The following ATP6V1C2 variants were observed in gnomAD, a reference collection of about 807,000 sequenced individuals.
The protein encoded by ATP6V1C2 is V-type proton ATPase subunit C 2.
Under a neutral mutation model 56.8 loss-of-function variants are expected in ATP6V1C2, and 45 were observed. The observed-to-expected ratio is 0.79, with a 90% CI of 0.62 to 1.02. The LOEUF (loss-of-function observed/expected upper bound fraction) is 1.02. Among genes scored for constraint, ATP6V1C2 ranks in the 50% least tolerant of loss-of-function variants. The pLI, the probability that ATP6V1C2 is intolerant of heterozygous loss-of-function variation, is 0.00. For synonymous variants in ATP6V1C2, 220 were observed against 201.3 expected (o/e 1.09, Z -0.79); for missense variants, 463 against 519.7 (o/e 0.89, Z 1.06).
chr2:10,733,477 A>G (rs1004874688), intron 3 of ATP6V1C2, among the ~76,000 whole-genome samples: 1 of 152,148 alleles, frequency 6.6e-6, no homozygotes, highest in African/African-American at 2.4e-5. Flanking sequence ...TTATTTACTT[A>G]GGGCACTAGA....
intron 4 of ATP6V1C2, among the ~76,000 whole-genome samples, chr2:10,756,171 A>G (rs1663542547): frequency 6.6e-6 from 1 of 152,172 alleles, no homozygotes; most frequent in Non-Finnish European, 1.5e-5. Context: ...AGCCCAGCCA[A>G]CATGGTGAAA....
rs1288167677 is a variant in ATP6V1C2 at position 10,784,751 on chromosome 2, T to C, written c.*1488T>C. ...TGGCTGTCAAGAGTATCAAATGCCA[T>C]GCAGCACTTAAACTTGTGATAAGGA... On this transcript the variant is annotated 3_prime_UTR_variant, in exon 14 of 14. Transcript: ENST00000272238. 7.0e-6 allele frequency: 4 copies of C among 572,058 alleles called. No individual in the cohort carries two copies. The highest frequency in any genetic ancestry group is 1.2e-5 in the Non-Finnish European group (4 of 323,286). The allele number at this position is 572,058 out of a possible 1,614,324, so 35.4% of individuals were successfully genotyped here.
At chr2:10,766,902 G>A (rs1300144657) in intron 5 of ATP6V1C2, among the ~76,000 whole-genome samples, 1 of 152,144 alleles carries the variant, frequency 6.6e-6, no homozygotes, top group African/African-American at 2.4e-5. Flanking sequence ...GTATAGTGCA[G>A]AATAGTATAG....
At chr2:10,769,787 GTGGGGT>G (rs1664468919) in intron 6 of ATP6V1C2, among the ~76,000 whole-genome samples, 1 of 152,174 alleles carries the variant, frequency 6.6e-6, no homozygotes, top group African/African-American at 2.4e-5. Flanking sequence ...ACAGGGTGGG[GTGGGGT>G]TGGCATGGAG....
intron 5 of ATP6V1C2, among the ~76,000 whole-genome samples, chr2:10,766,920 G>A (rs1664259179): frequency 6.6e-6 from 1 of 152,102 alleles, no homozygotes; most frequent in African/African-American, 2.4e-5. Context: ...TAGTTGTATA[G>A]TGAGCTGTGG....
In ATP6V1C2 at chr2:10,780,980, G is replaced by C. The variant is rs1665312764; in HGVS notation, c.1062-1263G>C. Among the ~76,000 whole-genome samples the C allele has an allele frequency of 6.6e-6, 1 of 152,248 alleles. No homozygotes were observed. The highest frequency in any genetic ancestry group is 2.1e-4 in the South Asian group (1 of 4,828). On this transcript the variant is annotated intron_variant, in intron 12 of 13. Coordinates refer to ENST00000272238, the MANE Select transcript of ATP6V1C2 (RefSeq NM_001039362.2). This position sits in a 1 kb window ranked among gnomAD's most constrained non-coding sequence, Gnocchi z 4.1. ...GGCTGGTCTTGAACTCCTGACCTCA[G>C]GTGATCCAGCCTGCCTTGGCCCCCC...
intron 6 of ATP6V1C2, among the ~76,000 whole-genome samples, chr2:10,771,577 G>A (rs1374576707): frequency 2.0e-5 from 3 of 152,244 alleles, no homozygotes; most frequent in African/African-American, 4.8e-5. Flanking sequence ...CTTGGGTGAC[G>A]GGTGATAGCA....
At chr2:10,736,823 G>A (rs570660990) in intron 3 of ATP6V1C2, among the ~76,000 whole-genome samples, 3 of 96,368 alleles carry the variant, frequency 3.1e-5, no homozygotes, top group Admixed American at 1.3e-4. Context: ...TTTTTTTTCT[G>A]ACAAGCTCGA....
intron 3 of ATP6V1C2, among the ~76,000 whole-genome samples, chr2:10,742,854 C>T (rs1662634497): frequency 6.6e-6 from 1 of 152,154 alleles, no homozygotes; most frequent in African/African-American, 2.4e-5. Flanking sequence ...TTGTGAAGCT[C>T]CTGGGCGGCC....
In ATP6V1C2 at chr2:10,775,574, G is replaced by A. The variant is rs147829593; in HGVS notation, c.825+503G>A. On this transcript the variant is annotated intron_variant, in intron 10 of 13. Transcript: ENST00000272238. The stretch of plus-strand genomic sequence containing the variant: ...TATTTACCTCCCGTGTCCTTAGTGC[G>A]GAGAGGGTGCTTATCTGGAGACTTC... Among the ~76,000 whole-genome samples the A allele has an allele frequency of 2.2e-3, 328 of 152,300 alleles. 4 individuals carry two copies. Among genetic ancestry groups the A allele is most frequent in the Admixed American group, 5.6e-3 (86 of 15,304 alleles).
rs1664625224 is a variant in ATP6V1C2 at position 10,771,791 on chromosome 2, C to T, written c.471-48C>T. The T allele has an allele frequency of 2.1e-6, 3 of 1,462,980 alleles. No homozygotes were observed. The African/African-American group carries it at 4.2e-5, about 20-fold the overall frequency. The allele number at this position is 1,462,980 out of a possible 1,614,324, so 90.6% of individuals were successfully genotyped here. On this transcript the variant is annotated intron_variant, in intron 6 of 13. Transcript: ENST00000272238. The stretch of plus-strand genomic sequence containing the variant: ...GTGGGTGTGTGTGGGGTCACTGTGT[C>T]CCTTTCTGCTCACATCTTTCACACC...
intron 8 of ATP6V1C2, among the ~76,000 whole-genome samples, chr2:10,773,725 GT>G (rs535090421): frequency 6.6e-6 from 1 of 152,332 alleles, no homozygotes; most frequent in South Asian, 2.1e-4. Context: ...GGCCGAGAAG[GT>G]TTGTAATTTG....
chr2:10,726,673 C>T (rs755638200), intron 3 of ATP6V1C2, 104 bp downstream of exon 3: 6 of 1,090,288 alleles, frequency 5.5e-6, no homozygotes, highest in Middle Eastern at 2.3e-4. Flanking sequence ...CTTGTCTAGA[C>T]CTGGTTCCAA....
chr2:10,745,626 C>T (rs1029752173), intron 3 of ATP6V1C2, among the ~76,000 whole-genome samples: 2 of 152,170 alleles, frequency 1.3e-5, no homozygotes, highest in Admixed American at 6.5e-5. Flanking sequence ...CAGGCATGAG[C>T]CACCACGCCC....
chr2:10,762,117 A>G (rs1017120948), intron 4 of ATP6V1C2, among the ~76,000 whole-genome samples: 1 of 150,956 alleles, frequency 6.6e-6, no homozygotes, highest in African/African-American at 2.4e-5. Flanking sequence ...GGAGATCATC[A>G]TAGGGTTTTA....
intron 12 of ATP6V1C2, among the ~76,000 whole-genome samples, chr2:10,779,078 CACCA>C (rs1338479686): frequency 2.0e-5 from 3 of 151,996 alleles, no homozygotes; most frequent in African/African-American, 7.3e-5. Flanking sequence ...ACCAAAACCA[CACCA>C]ACAACAACAA....
At chr2:10,735,098 A>C (rs11679916) in intron 3 of ATP6V1C2, among the ~76,000 whole-genome samples, 40,715 of 152,100 alleles carry the variant, frequency 0.27, 5,800 homozygotes, top group South Asian at 0.47. Context: ...AAAAGAAAAA[A>C]ATATATATTT....
intron 6 of ATP6V1C2, among the ~76,000 whole-genome samples, chr2:10,770,739 A>G (rs1017624225): frequency 6.6e-5 from 10 of 152,272 alleles, no homozygotes; most frequent in Non-Finnish European, 1.2e-4. Flanking sequence ...TATACCAAGT[A>G]TAGGAGGGCG....
At chr2:10,757,215 G>A (rs895883671) in intron 4 of ATP6V1C2, among the ~76,000 whole-genome samples, 7 of 151,966 alleles carry the variant, frequency 4.6e-5, no homozygotes, top group African/African-American at 1.2e-4. Context: ...GTTTCTCCAC[G>A]CTGGCCGGGC....
Sources: gnomAD v4.1 joint callset for allele counts (sites outside exome capture counted in the v4.1 genomes callset) on GRCh38, gnomAD v4.1.1 for gene constraint, Gnocchi (gnomAD v3.1) non-coding constraint, MANE v1.5 for transcripts, NCBI Gene and HGNC (gene_info 2026-07-23, HGNC 2026-07-21) for gene names.